The following SAMTOR variants were observed in gnomAD, a reference collection of about 807,000 sequenced individuals.
The protein encoded by SAMTOR is UPF0532 protein C7orf60.
chr7:112,855,367 A>C, the SAMTOR span, among the ~76,000 whole-genome samples: 1 of 152,328 alleles, frequency 6.6e-6, no homozygotes, highest in East Asian at 1.9e-4. Context: ...ACCCAATTCC[A>C]TAGGTCAAAA....
chr7:112,833,082 C>A, the SAMTOR span, among the ~76,000 whole-genome samples: 2 of 151,864 alleles, frequency 1.3e-5, no homozygotes, highest in Admixed American at 6.6e-5. Flanking sequence ...GGCTCCCCCA[C>A]CCCCAACCCC....
the SAMTOR span, among the ~76,000 whole-genome samples, chr7:112,857,673 A>T: frequency 6.6e-6 from 1 of 152,226 alleles, no homozygotes; most frequent in African/African-American, 2.4e-5. Context: ...AAGAATTTAG[A>T]AGAAAAGGTA....
At chr7:112,854,425 G>A in the SAMTOR span, among the ~76,000 whole-genome samples, 1 of 152,060 alleles carries the variant, frequency 6.6e-6, no homozygotes, top group Non-Finnish European at 1.5e-5. Context: ...GCACAAAGTA[G>A]ATGAAAAAAA....
the SAMTOR span, among the ~76,000 whole-genome samples, chr7:112,877,247 TC>T: frequency 6.6e-6 from 1 of 152,198 alleles, no homozygotes; most frequent in African/African-American, 2.4e-5. Flanking sequence ...GGACTTTACT[TC>T]CAGAGTTTAC....
the SAMTOR span, among the ~76,000 whole-genome samples, chr7:112,905,297 A>G: frequency 6.6e-6 from 1 of 152,310 alleles, no homozygotes; most frequent in East Asian, 1.9e-4. Context: ...CTCAGGAAAT[A>G]TAAGTAATAA....
the SAMTOR span, among the ~76,000 whole-genome samples, chr7:112,922,011 A>C: frequency 1.3e-5 from 2 of 151,886 alleles, no homozygotes; most frequent in Non-Finnish European, 2.9e-5. Context: ...GCCGAGCCGA[A>C]GCTGGACTGT....
chr7:112,908,801 C>G, the SAMTOR span, among the ~76,000 whole-genome samples: 1 of 152,168 alleles, frequency 6.6e-6, no homozygotes, highest in African/African-American at 2.4e-5. Flanking sequence ...GCCTATATGA[C>G]AGTTGAATTC....
At chr7:112,868,112 C>G in the SAMTOR span, among the ~76,000 whole-genome samples, 2 of 152,162 alleles carry the variant, frequency 1.3e-5, no homozygotes, top group African/African-American at 4.8e-5. Context: ...TTGTCTTCCA[C>G]GAAACTGGTC....
chr7:112,919,374 G>A, the SAMTOR span, among the ~76,000 whole-genome samples: 2 of 152,132 alleles, frequency 1.3e-5, no homozygotes, highest in African/African-American at 4.8e-5. Context: ...AATGAAGGCA[G>A]AAATAAAGAT....
At chr7:112,935,278 A>ATC in the SAMTOR span, 1 of 424,852 alleles carries the variant, frequency 2.4e-6, no homozygotes, top group Non-Finnish European at 4.6e-6. Context: ...AGGAAAAAAA[A>ATC]TAAGAAAAGT....
At chr7:112,896,419 A>G in the SAMTOR span, among the ~76,000 whole-genome samples, 1 of 152,214 alleles carries the variant, frequency 6.6e-6, no homozygotes, top group Non-Finnish European at 1.5e-5. Context: ...AATTCATGCA[A>G]AACTGGTTTC....
the SAMTOR span, among the ~76,000 whole-genome samples, chr7:112,849,323 T>C: frequency 6.6e-6 from 1 of 152,162 alleles, no homozygotes; most frequent in Non-Finnish European, 1.5e-5. Flanking sequence ...AATAGTTTGG[T>C]ACAGTAAAAA....
chr7:112,920,430 G>T, the SAMTOR span, among the ~76,000 whole-genome samples: 168 of 146,184 alleles, frequency 1.1e-3, no homozygotes, highest in African/African-American at 4.4e-3. Context: ...CAATAAATTA[G>T]GTATTGATGG....
the SAMTOR span, among the ~76,000 whole-genome samples, chr7:112,830,894 T>C: frequency 2.6e-5 from 4 of 150,952 alleles, no homozygotes; most frequent in Admixed American, 1.3e-4. Flanking sequence ...TTTTTTTTTT[T>C]CAAGAAAACA....
chr7:112,902,416 C>CAAAAAAAAAAAAAAAAAAAA, the SAMTOR span, among the ~76,000 whole-genome samples: 6 of 12,314 alleles, frequency 4.9e-4, 1 homozygote, highest in African/African-American at 6.2e-4. Context: ...AACTCCGTCT[C>CAAAAAAAAAAAAAAAAAAAA]AAAAAAAAAA....
chr7:112,833,919 C>T, the SAMTOR span, among the ~76,000 whole-genome samples: 1 of 152,202 alleles, frequency 6.6e-6, no homozygotes, highest in Non-Finnish European at 1.5e-5. Context: ...ATGACCCTCC[C>T]TGATGACATC....
At chr7:112,919,614 A>G in the SAMTOR span, among the ~76,000 whole-genome samples, 32 of 152,188 alleles carry the variant, frequency 2.1e-4, no homozygotes, top group East Asian at 3.9e-4. Context: ...AGAACTGAAG[A>G]AAATAGAGAC....
chr7:112,843,420 A>G, the SAMTOR span, among the ~76,000 whole-genome samples: 195 of 152,146 alleles, frequency 1.3e-3, no homozygotes, highest in Middle Eastern at 3.4e-3. Context: ...ATATATAACT[A>G]CAATATGATA....
At chr7:112,831,607 A>C in the SAMTOR span, among the ~76,000 whole-genome samples, 3 of 152,206 alleles carry the variant, frequency 2.0e-5, no homozygotes, top group Non-Finnish European at 2.9e-5. Flanking sequence ...GTGAGTGATC[A>C]TGCCACTGCA....
Sources: allele counts gnomAD v4.1 joint callset (sites outside exome capture counted in the v4.1 genomes callset), GRCh38; gene constraint gnomAD v4.1.1; transcripts MANE v1.5; gene names NCBI Gene and HGNC (gene_info 2026-07-23, HGNC 2026-07-21).